Variants in GAL observed in about 807,000 individuals in gnomAD.
The protein encoded by GAL is galanin peptides.
GAL carries 14 observed loss-of-function variants against 15.8 expected under a neutral mutation model. The ratio of observed to expected loss-of-function variants is 0.89; its 90% confidence interval spans 0.59 to 1.39. The LOEUF is 1.39. Among genes scored for constraint, GAL ranks in the 40% most tolerant of loss-of-function variants. The pLI is 0.00. For missense variants in GAL, 176 were observed against 170.4 expected (o/e 1.03, Z -0.18); for synonymous variants, 79 against 73.8 (o/e 1.07, Z -0.36).
intron 5 of GAL, among the ~76,000 whole-genome samples, chr11:68,689,615 T>C (rs1945887195): frequency 6.6e-6 from 1 of 152,236 alleles, no homozygotes; most frequent in Non-Finnish European, 1.5e-5. Flanking sequence ...CAGGCTCATC[T>C]TGAACTCCTG....
At chr11:68,685,029 G>A (rs760189438) in intron 2 of GAL, 25 bp downstream of exon 2, 2 of 1,489,358 alleles carry the variant, frequency 1.3e-6, no homozygotes, top group South Asian at 1.2e-5. Context: ...CGTCTCCTCC[G>A]AGCGAAGGGG....
chr11:68,687,860 G>C (rs1238700507), intron 3 of GAL, among the ~76,000 whole-genome samples, 154 bp from the exon 4 acceptor site: 1 of 152,254 alleles, frequency 6.6e-6, no homozygotes, highest in East Asian at 1.9e-4. Context: ...GTGGAGAATC[G>C]CTCCCTCTGC....
intron 4 of GAL, among the ~76,000 whole-genome samples, 163 bp from the exon 5 acceptor site, chr11:68,688,686 C>G (rs1025994833): frequency 6.6e-6 from 1 of 152,128 alleles, no homozygotes; most frequent in East Asian, 1.9e-4. Context: ...CTCCCCAACT[C>G]CCTCACATTG....
At chr11:68,686,218 C>T (rs1011049402) in intron 3 of GAL, among the ~76,000 whole-genome samples, 1 of 152,136 alleles carries the variant, frequency 6.6e-6, no homozygotes, top group African/African-American at 2.4e-5. Context: ...CTAGATGGGA[C>T]ACTGCAGGCT....
At chr11:68,688,767 G>T in intron 4 of GAL, 82 bp from the exon 5 acceptor site, 2 of 748,294 alleles carry the variant, frequency 2.7e-6, no homozygotes, top group Non-Finnish European at 4.9e-6. Context: ...GCAGCGCCCA[G>T]CTCCTCTGTA....
Position 68,684,969 on chromosome 11 carries a change from G to T in GAL, c.46G>T (p.Ala16Ser). The part of the protein sequence containing the change: ...ALLLASLLLA[A>S]ALSASAGLWS... ...CCTGCTCGCCTCCCTCCTCCTCGCC[G>T]CGGCCCTTTCTGCCTCTGCGGGGCT... The change falls in exon 2 of 6, where the codon GCG becomes TCG. Residue 16 changes from alanine (A) to serine (S), a missense_variant. Ala to Ser is a moderately conservative substitution (Grantham distance 99). Coordinates refer to ENST00000265643, the MANE Select transcript of GAL (RefSeq NM_015973.5). 6.2e-7 allele frequency: 1 copy of T among 1,608,502 alleles called. No homozygotes were observed. The highest frequency in any genetic ancestry group is 8.5e-7 in the Non-Finnish European group (1 of 1,177,860).
At chr11:68,686,688 C>T (rs542913013) in intron 3 of GAL, among the ~76,000 whole-genome samples, 1 of 152,296 alleles carries the variant, frequency 6.6e-6, no homozygotes, top group African/African-American at 2.4e-5. Flanking sequence ...ACAGAGCCTG[C>T]TGGTCTCTGT....
intron 3 of GAL, 87 bp from the exon 4 acceptor site, chr11:68,687,927 A>G: frequency 1.2e-6 from 1 of 803,886 alleles, no homozygotes; most frequent in Non-Finnish European, 2.2e-6. Flanking sequence ...TGTGTTGGCT[A>G]CAGGCAGCCC....
intron 3 of GAL, among the ~76,000 whole-genome samples, chr11:68,687,445 G>T (rs539272867): frequency 6.6e-6 from 1 of 151,686 alleles, no homozygotes; most frequent in East Asian, 1.9e-4. Context: ...ACGCACACAC[G>T]CTCCTGCACC....
At chr11:68,690,445 G>T (rs781318365) in intron 5 of GAL, among the ~76,000 whole-genome samples, 12 of 152,290 alleles carry the variant, frequency 7.9e-5, no homozygotes, top group Admixed American at 4.6e-4. Context: ...AGCGGGGGAA[G>T]GAGACTGCCA....
At position 68,688,024 on chromosome 11, in the gene GAL, C is replaced by A; in HGVS notation, c.147C>A (p.Gly49=). 6.2e-7 allele frequency: 1 copy of A among 1,609,952 alleles called. No individual in the cohort carries two copies. Among genetic ancestry groups the A allele is most frequent in the Non-Finnish European group, 8.5e-7 (1 of 1,176,434 alleles). ...AGYLLGPHAV[G]NHRSFSDKNG... ...CTGATCTGCAAACAGATGCCGTTGG[C>A]AACCACAGGTCATTCAGCGACAAGA... Residue 49 remains glycine, a synonymous_variant, in exon 4 of 6, where the codon GGC becomes GGA. Coordinates refer to ENST00000265643, the MANE Select transcript of GAL (RefSeq NM_015973.5).
Position 68,684,656 on chromosome 11 carries a change from C to T in GAL, c.-77C>T. 1 of 348,392 alleles carries T rather than the reference C, an allele frequency of 2.9e-6. No individual in the cohort carries two copies. The highest frequency in any genetic ancestry group is 5.2e-6 in the Non-Finnish European group (1 of 194,160). 21.6% of individuals were successfully genotyped at this position (348,392 alleles called of 1,614,324 possible). On this transcript the variant is annotated 5_prime_UTR_variant, in exon 1 of 6. The change creates a new upstream start codon in the 5' untranslated region. Transcript: ENST00000265643. ...CCAGAGCCCACCCGACCCGGCCCGACGCCCGGACCTGCCGCCCAGACCCGC... is the reference window on the plus strand; with the variant it reads ...CCAGAGCCCACCCGACCCGGCCCGATGCCCGGACCTGCCGCCCAGACCCGC...
rs74724660 is a variant in GAL, at chr11:68,686,577, C to T, written c.136+929C>T. ...CCTCCTCCTGCAGACGCTTGTTTAT[C>T]GGGGTCACTCAGAGGACCCCCAGAG... On this transcript the variant is annotated intron_variant, in intron 3 of 5. Coordinates refer to ENST00000265643, the MANE Select transcript of GAL (RefSeq NM_015973.5). Among the ~76,000 whole-genome samples the T allele has an allele frequency of 1.0e-2, 1,521 of 152,298 alleles. 24 individuals carry two copies. The highest frequency in any genetic ancestry group is 0.035 in the African/African-American group (1,457 of 41,544).
chr11:68,688,178 G>C lies in GAL; in HGVS notation c.223+78G>C. 2.6e-5 allele frequency: 23 copies of C among 893,482 alleles called. No homozygotes were observed. The South Asian group carries it at 3.0e-4, about 12-fold the overall frequency. 55.3% of individuals were successfully genotyped at this position (893,482 alleles called of 1,614,324 possible). ...AGGTGCATGCAGGGGACAGCTGTGG[G>C]TGTCGGGGCTGTCCACAGCTGCAGC... On this transcript the variant is annotated intron_variant, in intron 4 of 5. Transcript: ENST00000265643.
chr11:68,686,926 A>G (rs1339132173), intron 3 of GAL, among the ~76,000 whole-genome samples: 1 of 152,194 alleles, frequency 6.6e-6, no homozygotes, highest in African/African-American at 2.4e-5. Context: ...CTAATTAGAA[A>G]ACAAACTCAT....
rs749648649 is a variant in GAL, at chr11:68,684,992, G to A, written c.69G>A (p.Gly23=). 8 of 1,599,804 alleles carry A rather than the reference G, an allele frequency of 5.0e-6. No individual in the cohort carries two copies. The East Asian group carries it at 6.8e-5, about 14-fold the overall frequency. Residue 23 remains glycine (G), a synonymous_variant, in exon 2 of 6, where the codon GGG becomes GGA. Transcript: ENST00000265643. The part of the protein sequence containing the change: ...LLAAALSASA[G]LWSPAKEKRG... ...CCGCGGCCCTTTCTGCCTCTGCGGG[G>A]CTCTGGTCGCCGGTAAGTGCGGGGC...
chr11:68,690,778 C>T lies in GAL; in HGVS notation c.302-139C>T, dbSNP rs192796362. ...CGAAGTGAGGAATACAGAGTGTTGT[C>T]CCTGATTCTGGGTTTAATCTGGTAA... On this transcript the variant is annotated intron_variant, in intron 5 of 5. Transcript: ENST00000265643. The T allele has an allele frequency of 1.2e-3, 824 of 663,356 alleles. 5 individuals are homozygous for T. The African/African-American group carries it at 0.013, about 11-fold the overall frequency. The allele number at this position is 663,356 out of a possible 1,614,324, so 41.1% of individuals were successfully genotyped here. A position where few individuals can be genotyped will look rare whatever the true frequency, so the allele number is the denominator to read the frequency against.
At position 68,685,643 on chromosome 11, in the gene GAL, G is replaced by C. The variant is rs530344730; in HGVS notation, c.131G>C (p.Gly44Ala). The C allele has an allele frequency of 1.9e-6, 3 of 1,611,116 alleles. No individual in the cohort carries two copies. Among genetic ancestry groups the C allele is most frequent in the Non-Finnish European group, 1.7e-6 (2 of 1,177,496 alleles). ...WTLNSAGYLL[G>A]PHAVGNHRSF... ...CTGAACAGCGCGGGCTACCTGCTGGGCCCACGTAAGTGACTGACAGCATGG... is the reference window on the plus strand; with the variant it reads ...CTGAACAGCGCGGGCTACCTGCTGGCCCCACGTAAGTGACTGACAGCATGG... The change falls in exon 3 of 6, where the codon GGC becomes GCC. Residue 44 changes from glycine to alanine, a missense_variant. Physicochemically the swap from Gly to Ala is moderately conservative, Grantham distance 60 (BLOSUM62 0). Transcript: ENST00000265643.
intron 4 of GAL, 131 bp downstream of exon 4, chr11:68,688,231 C>T (rs566069453): frequency 1.4e-4 from 91 of 656,422 alleles, no homozygotes; most frequent in African/African-American, 1.2e-3. Context: ...TTGACTAAGA[C>T]GATGTGGCCT....
Sources: gnomAD v4.1 joint callset for allele counts (sites outside exome capture counted in the v4.1 genomes callset) on GRCh38, gnomAD v4.1.1 for gene constraint, MANE v1.5 for transcripts, NCBI Gene and HGNC (gene_info 2026-07-23, HGNC 2026-07-21) for gene names.